The following ADAMTS19 variants were observed in gnomAD, a reference collection of about 807,000 sequenced individuals.
ADAMTS19 encodes ADAM metallopeptidase with thrombospondin type 1 motif 19.
A neutral mutation model predicts 153.3 loss-of-function variants in ADAMTS19; 93 were observed. The ratio of observed to expected loss-of-function variants is 0.61; its 90% CI spans 0.51 to 0.72. ADAMTS19 has a LOEUF of 0.72. Among genes scored for constraint, ADAMTS19 ranks in the 30% least tolerant of loss-of-function variants. The pLI is 0.00. For missense variants in ADAMTS19, 1,482 were observed against 1,552.1 expected (o/e 0.95, Z 0.76); for synonymous variants, 600 against 556.6 (o/e 1.08, Z -1.10).
intron 6 of ADAMTS19, among the ~76,000 whole-genome samples, chr5:129,529,615 A>T (rs534357311): frequency 6.6e-6 from 1 of 152,224 alleles, no homozygotes; most frequent in African/African-American, 2.4e-5. Context: ...TTTATTATGC[A>T]AACATCGCAG....
At chr5:129,487,715 T>A (rs1409929195) in intron 2 of ADAMTS19, among the ~76,000 whole-genome samples, 1 of 152,122 alleles carries the variant, frequency 6.6e-6, no homozygotes, top group Non-Finnish European at 1.5e-5. Context: ...GGGACTGAAC[T>A]CTAAATAGCG....
At chr5:129,640,816 C>T (rs1167785526) in intron 10 of ADAMTS19, among the ~76,000 whole-genome samples, 1 of 152,010 alleles carries the variant, frequency 6.6e-6, no homozygotes, top group Non-Finnish European at 1.5e-5. Flanking sequence ...AGATTTAATA[C>T]TCAACTTACT....
rs536373069 is a variant in ADAMTS19 at position 129,711,783 on chromosome 5, A to G, written c.3312+7392A>G. On this transcript the variant is annotated intron_variant, in intron 21 of 22. Transcript: ENST00000274487. ...TATGTATGAAAAATGCTGGTGTTAA[A>G]TAAAGAAAATCAAATATCTTTGCTG... 9.8e-5 allele frequency among the ~76,000 whole-genome samples: 15 copies of G among 152,306 alleles called. No individual in the cohort carries two copies. The East Asian group carries it at 2.7e-3, about 27-fold the overall frequency.
intron 7 of ADAMTS19, among the ~76,000 whole-genome samples, chr5:129,591,723 G>A (rs1305482974): frequency 1.3e-5 from 2 of 152,074 alleles, no homozygotes; most frequent in East Asian, 3.9e-4. Context: ...ACAGTCATAG[G>A]ACCAGTAATT....
chr5:129,590,196 T>G (rs1750042405), intron 7 of ADAMTS19, among the ~76,000 whole-genome samples: 1 of 152,176 alleles, frequency 6.6e-6, no homozygotes, highest in African/African-American at 2.4e-5. Flanking sequence ...ATTTAATCAG[T>G]TATATATCTT....
At chr5:129,688,602 T>A (rs1755195488) in intron 18 of ADAMTS19, among the ~76,000 whole-genome samples, 1 of 152,206 alleles carries the variant, frequency 6.6e-6, no homozygotes, top group Non-Finnish European at 1.5e-5. Context: ...TTCTCTCTTT[T>A]AAAAGGAATA....
At chr5:129,595,194 T>C (rs1210150514) in intron 7 of ADAMTS19, among the ~76,000 whole-genome samples, 1 of 152,156 alleles carries the variant, frequency 6.6e-6, no homozygotes, top group East Asian at 1.9e-4. Flanking sequence ...AAGGTTTAAA[T>C]GAGTTGTTGA....
At chr5:129,492,269 G>T (rs1405428647) in intron 2 of ADAMTS19, among the ~76,000 whole-genome samples, 1 of 151,964 alleles carries the variant, frequency 6.6e-6, no homozygotes, top group African/African-American at 2.4e-5. Context: ...TCAAGGGGAG[G>T]GTACTAAACC....
intron 16 of ADAMTS19, among the ~76,000 whole-genome samples, chr5:129,676,407 C>T (rs1469419590): frequency 6.6e-6 from 1 of 152,144 alleles, no homozygotes. Context: ...CCACTAAAGA[C>T]TTCAGCTGCT....
At chr5:129,718,160 GA>G (rs1350278966) in intron 21 of ADAMTS19, among the ~76,000 whole-genome samples, 1 of 152,058 alleles carries the variant, frequency 6.6e-6, no homozygotes, top group African/African-American at 2.4e-5. Flanking sequence ...TTGTTGTGGT[GA>G]TCAGTGTACA....
intron 10 of ADAMTS19, among the ~76,000 whole-genome samples, chr5:129,624,381 A>T (rs1483098980): frequency 6.6e-6 from 1 of 152,120 alleles, no homozygotes; most frequent in Non-Finnish European, 1.5e-5. Flanking sequence ...AAGTCTGGTC[A>T]CAATCCTCTT....
At chr5:129,613,799 A>G (rs1751358364) in intron 8 of ADAMTS19, among the ~76,000 whole-genome samples, 1 of 152,098 alleles carries the variant, frequency 6.6e-6, no homozygotes, top group African/African-American at 2.4e-5. Context: ...CGAGACTAAT[A>G]AAGAAGAAAA....
intron 8 of ADAMTS19, among the ~76,000 whole-genome samples, chr5:129,610,473 T>C (rs1487319389): frequency 6.6e-6 from 1 of 152,088 alleles, no homozygotes; most frequent in Non-Finnish European, 1.5e-5. Context: ...CAGTGTGTGA[T>C]GTTCCCCTTC....
At chr5:129,519,660 A>G (rs1751729758) in intron 3 of ADAMTS19, among the ~76,000 whole-genome samples, 1 of 151,840 alleles carries the variant, frequency 6.6e-6, no homozygotes, top group East Asian at 1.9e-4. Flanking sequence ...AAAAAAAAAA[A>G]AGAGACAGGA....
At chr5:129,604,933 G>A (rs901412698) in intron 8 of ADAMTS19, among the ~76,000 whole-genome samples, 7 of 152,126 alleles carry the variant, frequency 4.6e-5, no homozygotes, top group African/African-American at 1.4e-4. Flanking sequence ...CATCCTTCTA[G>A]TGGGACAACC....
chr5:129,614,495 C>A (rs1481374449), intron 8 of ADAMTS19, among the ~76,000 whole-genome samples: 1 of 152,182 alleles, frequency 6.6e-6, no homozygotes, highest in East Asian at 1.9e-4. Context: ...GTCCTTCATG[C>A]TAAAAACTCT....
At chr5:129,519,754 G>A (rs1751733820) in intron 3 of ADAMTS19, among the ~76,000 whole-genome samples, 1 of 151,992 alleles carries the variant, frequency 6.6e-6, no homozygotes, top group South Asian at 2.1e-4. Context: ...CTGGACCCTT[G>A]ACTCTACAGC....
intron 6 of ADAMTS19, among the ~76,000 whole-genome samples, chr5:129,536,350 A>C (rs1368104389): frequency 2.0e-5 from 3 of 152,196 alleles, no homozygotes; most frequent in Non-Finnish European, 4.4e-5. Context: ...TGCAAATCAA[A>C]ACCACAATGA....
intron 7 of ADAMTS19, among the ~76,000 whole-genome samples, chr5:129,576,463 C>T (rs1435473695): frequency 6.6e-6 from 1 of 152,072 alleles, no homozygotes; most frequent in East Asian, 1.9e-4. Context: ...GAAAATGTAG[C>T]ATTTAGCTTT....
Sources: gnomAD v4.1 joint callset for allele counts (sites outside exome capture counted in the v4.1 genomes callset) on GRCh38, gnomAD v4.1.1 for gene constraint, MANE v1.5 for transcripts, NCBI Gene and HGNC (gene_info 2026-07-23, HGNC 2026-07-21) for gene names.